The following ULK3 variants were observed in gnomAD, a reference collection of about 807,000 sequenced individuals.
The protein encoded by ULK3 is serine/threonine-protein kinase ULK3.
Under a neutral mutation model 69.4 loss-of-function variants are expected in ULK3, and 54 were observed. That is an observed-to-expected ratio of 0.78 (90% CI 0.63 to 0.98). The LOEUF is 0.98. ULK3 is among the 50% of genes least tolerant of loss of function. The pLI is 0.00. For missense variants in ULK3, 558 were observed against 627.7 expected (o/e 0.89, Z 1.19); for synonymous variants, 240 against 254.5 (o/e 0.94, Z 0.54).
rs1373884728 is a variant in ULK3 at position 74,842,153 on chromosome 15, C to T, written c.286G>A (p.Gly96Arg). 1 of 1,614,008 alleles carries T rather than the reference C, an allele frequency of 6.2e-7. No individual in the cohort carries two copies. The highest frequency in any genetic ancestry group is 2.2e-5 in the East Asian group (1 of 44,884). Residue 96 changes from glycine (G) to arginine (R), a missense_variant, in exon 3 of 16, where the codon GGG becomes AGG. Coordinates refer to ENST00000440863, the MANE Select transcript of ULK3 (RefSeq NM_001099436.4). The surrounding 1 kb of genome is among the most constrained non-coding windows in gnomAD (Gnocchi z 4.9). ...TGGATGAAGCGAGACAGGTCGCCCC[C>T]TGCGCAAAACTCCATGATGAGGTAG... is the stretch of plus-strand genomic sequence containing the variant. ...NIYLIMEFCAGGDLSRFIHTR... is the reference protein window; with the variant it reads ...NIYLIMEFCARGDLSRFIHTR...
chr15:74,842,877 T>C lies in ULK3; in HGVS notation c.102+127A>G. ...AGTCGGCTCCAACCTCCGCCGAGGG[T>C]CAGCTGGGGCGAGGCCGGCCTCCCG... On this transcript the variant is annotated intron_variant, in intron 1 of 15. Transcript: ENST00000440863. This position sits in a 1 kb window ranked among gnomAD's most constrained non-coding sequence, Gnocchi z 4.9. 2.3e-6 allele frequency: 3 copies of C among 1,329,238 alleles called. No individual in the cohort carries two copies. Among genetic ancestry groups the C allele is most frequent in the Non-Finnish European group, 3.0e-6 (3 of 986,738 alleles). 82.3% of individuals were successfully genotyped at this position (1,329,238 alleles called of 1,614,324 possible).
intron 14 of ULK3, 73 bp downstream of exon 14, chr15:74,837,678 G>A (rs956299885): frequency 3.3e-6 from 5 of 1,506,646 alleles, no homozygotes; most frequent in South Asian, 2.4e-5. Context: ...ACCAGCAGGG[G>A]GGGACGACAG....
rs189180695 is a variant in ULK3 at position 74,836,812 on chromosome 15, G to A, written c.*416C>T. 399 of 171,078 alleles carry A rather than the reference G, an allele frequency of 2.3e-3. 4 individuals carry two copies. The highest frequency in any genetic ancestry group is 9.0e-3 in the African/African-American group (381 of 42,108). The allele number at this position is 171,078 out of a possible 1,614,324, so 10.6% of individuals were successfully genotyped here. On this transcript the variant is annotated 3_prime_UTR_variant, in exon 16 of 16. Transcript: ENST00000440863. This position sits in a 1 kb window ranked among gnomAD's most constrained non-coding sequence, Gnocchi z 4.0. ...GAGCTGAGTTGGAATAAGGGGTCCC[G>A]GGAAGGGCAGGCCAGGGGCACAGCT...
Position 74,842,553 on chromosome 15 carries a change from G to A in ULK3, c.103-133C>T, listed in dbSNP as rs929967859. 7.3e-7 allele frequency: 1 copy of A among 1,379,210 alleles called. No individual in the cohort carries two copies. The highest frequency in any genetic ancestry group is 9.7e-7 in the Non-Finnish European group (1 of 1,034,476). The allele number at this position is 1,379,210 out of a possible 1,614,324, so 85.4% of individuals were successfully genotyped here. On this transcript the variant is annotated intron_variant, in intron 1 of 15. Coordinates refer to ENST00000440863, the MANE Select transcript of ULK3 (RefSeq NM_001099436.4). This position sits in a 1 kb window ranked among gnomAD's most constrained non-coding sequence, Gnocchi z 4.9. The stretch of plus-strand genomic sequence containing the variant: ...GGTCTACCTACTGCACACCAGCACC[G>A]GGCTTCCCAGCTTTCCCTTGTGAGG...
rs773968655 is a variant in ULK3, at chr15:74,837,753, T to C, written c.1333A>G (p.Lys445Glu). The C allele has an allele frequency of 1.4e-4, 227 of 1,596,638 alleles. No individual in the cohort carries two copies. Among genetic ancestry groups the C allele is most frequent in the Non-Finnish European group, 1.8e-4 (210 of 1,171,324 alleles). The part of the protein sequence containing the change: ...ARAEYLKEQV[K>E]MRESRWEADT... ...CAGCGTGGCCCCCATGTGCCCACCTTGACCTGCTCCTTCAAGTATTCAGCT... is the reference window on the plus strand; with the variant it reads ...CAGCGTGGCCCCCATGTGCCCACCTCGACCTGCTCCTTCAAGTATTCAGCT... Residue 445 changes from lysine (K) to glutamate (E), a missense_variant and splice_region_variant, in exon 14 of 16, where the codon AAG becomes GAG. Transcript: ENST00000440863.
chr15:74,840,440 G>C, intron 5 of ULK3, 58 bp downstream of exon 5: 2 of 1,573,684 alleles, frequency 1.3e-6, no homozygotes, highest in Non-Finnish European at 1.7e-6. Context: ...GGCCCAGAGA[G>C]GCCTTGCCTG....
At chr15:74,839,155 C>A (rs2064147984) in intron 8 of ULK3, 105 bp from the exon 9 acceptor site, 1 of 1,531,860 alleles carries the variant, frequency 6.5e-7, no homozygotes, top group Non-Finnish European at 8.8e-7. Context: ...TTACGCTCTG[C>A]TTTATCGCCT....
chr15:74,840,380 A>G (rs1012835494), intron 5 of ULK3, 64 bp from the exon 6 acceptor site: 31 of 1,574,312 alleles, frequency 2.0e-5, no homozygotes, highest in Non-Finnish European at 2.4e-5. Context: ...GACGCCCCTC[A>G]GCAGGGGCCC....
Position 74,840,661 on chromosome 15 carries a change from C to T in ULK3, c.470-20G>A, listed in dbSNP as rs532898162. ...CAAAGTCTGCAGGCAAGAGGAGAGG[C>T]AGCAGGGCTTGAATTCCAGCTGCTT... On this transcript the variant is annotated intron_variant, in intron 4 of 15. Transcript: ENST00000440863. 2 of 1,537,734 alleles carry T rather than the reference C, an allele frequency of 1.3e-6. No homozygotes were observed. The highest frequency in any genetic ancestry group is 1.7e-6 in the Non-Finnish European group (2 of 1,145,388).
chr15:74,842,818 G>A lies in ULK3; in HGVS notation c.102+186C>T, dbSNP rs2064310509. The A allele has an allele frequency of 9.5e-6, 13 of 1,374,702 alleles. No homozygotes were observed. In the South Asian group the frequency reaches 1.7e-4, roughly 18 times the overall value. 85.2% of individuals were successfully genotyped at this position (1,374,702 alleles called of 1,614,324 possible). ...TCTTCAGCCACTGACCCTGCAGGTG[G>A]GTGCAGGTGCGCTCTTTAAGACCTA... On this transcript the variant is annotated intron_variant, in intron 1 of 15. Transcript: ENST00000440863. The surrounding 1 kb of genome is among the most constrained non-coding windows in gnomAD (Gnocchi z 4.9).
chr15:74,837,821 TGGGTGTG>T (rs1005027668), intron 13 of ULK3, 23 bp from the exon 14 acceptor site: 1 of 1,531,270 alleles, frequency 6.5e-7, no homozygotes, highest in African/African-American at 1.4e-5. Context: ...GATATGCCCT[TGGGTGTG>T]GGGGAGAGTG....
chr15:74,837,651 C>A, intron 14 of ULK3, 100 bp downstream of exon 14: 1 of 1,407,356 alleles, frequency 7.1e-7, no homozygotes, highest in African/African-American at 1.5e-5. Context: ...GCAGAGGAGG[C>A]GAGAGAGCAG....
chr15:74,841,149 C>T (rs2064232211), intron 4 of ULK3, among the ~76,000 whole-genome samples: 1 of 152,216 alleles, frequency 6.6e-6, no homozygotes. Context: ...GACCCCTAAA[C>T]CTGGACACAC....
chr15:74,837,864 C>A, intron 13 of ULK3, 66 bp from the exon 14 acceptor site: 1 of 1,462,504 alleles, frequency 6.8e-7, no homozygotes, highest in Non-Finnish European at 9.4e-7. Context: ...TCAAAGGGAA[C>A]TCCTCCTCAC....
In ULK3 at chr15:74,838,364, A is replaced by G; in HGVS notation, c.1168-20T>C. ...CTCCTCCTGCAGCCACAAGGACACC[A>G]GGCTGCTTAGGGTCATGGCCTGGGT... is the stretch of plus-strand genomic sequence containing the variant. On this transcript the variant is annotated intron_variant, in intron 11 of 15. Transcript: ENST00000440863. The G allele has an allele frequency of 6.4e-7, 1 of 1,564,750 alleles. No homozygotes were observed. The highest frequency in any genetic ancestry group is 8.7e-7 in the Non-Finnish European group (1 of 1,154,672).
rs201429522 is a variant in ULK3, at chr15:74,841,556, G to A, written c.365-47C>T. ...GAGAGACAGTTCAGAGCCCATTCCC[G>A]CCTGCCTCTCGCCTCCCCGGCTCAC... On this transcript the variant is annotated intron_variant, in intron 3 of 15. Transcript: ENST00000440863. 2.0e-3 allele frequency: 3,150 copies of A among 1,542,860 alleles called. 15 individuals carry two copies. Among genetic ancestry groups the A allele is most frequent in the Non-Finnish European group, 2.2e-3 (2,484 of 1,119,438 alleles).
chr15:74,840,630 C>G lies in ULK3; in HGVS notation c.481G>C (p.Ala161Pro). The change falls in exon 5 of 16, where the codon GCA becomes CCA. Residue 161 changes from alanine to proline, a missense_variant. Ala to Pro is a conservative substitution (Grantham distance 27). Coordinates refer to ENST00000440863, the MANE Select transcript of ULK3 (RefSeq NM_001099436.4). ...PHLKLADFGF[A>P]QHMSPWDEKH... ...TCATCCCACGGGGACATGTGTTGTG[C>G]GAAACCAAAGTCTGCAGGCAAGAGG... is the stretch of plus-strand genomic sequence containing the variant. 6.4e-7 allele frequency: 1 copy of G among 1,568,892 alleles called. No homozygotes were observed. Among genetic ancestry groups the G allele is most frequent in the Non-Finnish European group, 8.6e-7 (1 of 1,159,978 alleles).
At chr15:74,839,209 C>A in intron 8 of ULK3, 59 bp downstream of exon 8, 1 of 1,536,488 alleles carries the variant, frequency 6.5e-7, no homozygotes, top group South Asian at 1.2e-5. Flanking sequence ...CCTACTGCAG[C>A]CACAGATGAC....
rs1225751906 is a variant in ULK3 at position 74,842,694 on chromosome 15, G to C, written c.103-274C>G. 85 of 1,534,092 alleles carry C rather than the reference G, an allele frequency of 5.5e-5. No homozygotes were observed. The highest frequency in any genetic ancestry group is 7.4e-5 in the Non-Finnish European group (85 of 1,145,674). Reference sequence around the variant, plus strand: ...TGCATTCTGGAGTGCTCCCGGCAGAGGCATGTCACTCAGGGTTCTAGAACC... The same window carrying C: ...TGCATTCTGGAGTGCTCCCGGCAGACGCATGTCACTCAGGGTTCTAGAACC... On this transcript the variant is annotated intron_variant, in intron 1 of 15. Transcript: ENST00000440863. This position sits in a 1 kb window ranked among gnomAD's most constrained non-coding sequence, Gnocchi z 4.9.
Sources: gnomAD v4.1 joint callset for allele counts (sites outside exome capture counted in the v4.1 genomes callset) on GRCh38, gnomAD v4.1.1 for gene constraint, Gnocchi (gnomAD v3.1) non-coding constraint, MANE v1.5 for transcripts, NCBI Gene and HGNC (gene_info 2026-07-23, HGNC 2026-07-21) for gene names.